ZFPM2: variants seen among roughly 807,000 people sequenced by gnomAD.
ZFPM2 encodes the protein zinc finger protein, FOG family member 2.
A neutral mutation model predicts 98.6 loss-of-function variants in ZFPM2; 20 were observed. The ratio of observed to expected loss-of-function variants is 0.20; its 90% CI spans 0.14 to 0.29. The LOEUF (loss-of-function observed/expected upper bound fraction) is 0.29, where lower values mean the gene tolerates loss of function less well. Among genes scored for constraint, ZFPM2 ranks in the 10% least tolerant of loss-of-function variants. The pLI, the probability that ZFPM2 is intolerant of heterozygous loss-of-function variation, is 1.00. For synonymous variants in ZFPM2, 518 were observed against 502.7 expected (o/e 1.03, Z -0.41); for missense variants, 1,310 against 1,388.6 (o/e 0.94, Z 0.90).
intron 5 of ZFPM2, among the ~76,000 whole-genome samples, chr8:105,718,325 G>C (rs1339354679): frequency 6.6e-6 from 1 of 151,910 alleles, no homozygotes; most frequent in South Asian, 2.1e-4. Context: ...GTTGATGCCA[G>C]TTTCTTCTGT....
At chr8:105,480,906 A>G (rs1335903314) in intron 3 of ZFPM2, among the ~76,000 whole-genome samples, 3 of 152,048 alleles carry the variant, frequency 2.0e-5, no homozygotes, top group Non-Finnish European at 4.4e-5. Context: ...ACCCGCCACC[A>G]TGCTCAGCTA....
intron 6 of ZFPM2, chr8:105,795,780 T>G (rs1172535474): frequency 2.0e-6 from 1 of 488,764 alleles, no homozygotes; most frequent in Admixed American, 2.1e-5. Flanking sequence ...TGACACAAAA[T>G]CAGTCGTCTG....
chr8:105,710,698 TGTGTA>T (rs1563531609), intron 5 of ZFPM2, among the ~76,000 whole-genome samples: 13 of 145,114 alleles, frequency 9.0e-5, no homozygotes, highest in African/African-American at 3.5e-4. Flanking sequence ...TGTGTGTGTG[TGTGTA>T]TGTGTGTGTG....
intron 4 of ZFPM2, among the ~76,000 whole-genome samples, chr8:105,608,980 C>A (rs1434643096): frequency 6.6e-6 from 1 of 151,436 alleles, no homozygotes; most frequent in African/African-American, 2.4e-5. Flanking sequence ...AACTAGAAGA[C>A]TGAACAAGGA....
At chr8:105,637,302 T>G (rs1364855937) in intron 5 of ZFPM2, among the ~76,000 whole-genome samples, 1 of 152,106 alleles carries the variant, frequency 6.6e-6, no homozygotes, top group Non-Finnish European at 1.5e-5. Flanking sequence ...CACTCGGGCT[T>G]TTATCCCTAG....
chr8:105,746,875 A>G (rs1676783552), intron 5 of ZFPM2, among the ~76,000 whole-genome samples: 2 of 152,022 alleles, frequency 1.3e-5, no homozygotes, highest in South Asian at 2.1e-4. Context: ...TTGCCCTGCC[A>G]TTCCTGGAAT....
rs574109601 is a variant in ZFPM2 at position 105,504,814 on chromosome 8, C to T, written c.302-56549C>T. Among the ~76,000 whole-genome samples the T allele has an allele frequency of 3.3e-5, 5 of 152,002 alleles. No individual in the cohort carries two copies. The South Asian group carries it at 8.3e-4, about 25-fold the overall frequency. ...AGGCTTATTAAGTTTACTTGGGTTC[C>T]TAGGGAAGGGAAAAATTAAGAGAGA... On this transcript the variant is annotated intron_variant, in intron 3 of 7. Transcript: ENST00000407775.
At chr8:105,681,597 A>G (rs1455228108) in intron 5 of ZFPM2, among the ~76,000 whole-genome samples, 2 of 152,146 alleles carry the variant, frequency 1.3e-5, no homozygotes, top group Non-Finnish European at 2.9e-5. Context: ...GATTCCTCAT[A>G]TCTGAAAGTA....
At chr8:105,583,819 G>A (rs1358135811) in intron 4 of ZFPM2, among the ~76,000 whole-genome samples, 1 of 152,142 alleles carries the variant, frequency 6.6e-6, no homozygotes, top group Admixed American at 6.5e-5. Flanking sequence ...GTCAGGTTAA[G>A]GGGTCAGTAC....
intron 3 of ZFPM2, among the ~76,000 whole-genome samples, chr8:105,516,069 G>C (rs547383748): frequency 6.6e-6 from 1 of 151,864 alleles, no homozygotes; most frequent in Non-Finnish European, 1.5e-5. Context: ...GGGATTGCAG[G>C]CGCCCACAAC....
intron 5 of ZFPM2, among the ~76,000 whole-genome samples, chr8:105,684,019 G>T (rs1810672878): frequency 6.6e-6 from 1 of 152,080 alleles, no homozygotes; most frequent in Non-Finnish European, 1.5e-5. Flanking sequence ...ACACCCTGAG[G>T]ACATCATGAT....
intron 5 of ZFPM2, among the ~76,000 whole-genome samples, chr8:105,774,474 G>T (rs2131097228): frequency 6.6e-6 from 1 of 152,256 alleles, no homozygotes; most frequent in Admixed American, 6.5e-5. Context: ...CTCTGCTGGA[G>T]AGATAACATG....
intron 3 of ZFPM2, among the ~76,000 whole-genome samples, chr8:105,471,435 T>C (rs995042158): frequency 1.3e-5 from 2 of 152,208 alleles, no homozygotes; most frequent in African/African-American, 4.8e-5. Flanking sequence ...GAAGTTAATC[T>C]TTTTTCATTC....
intron 5 of ZFPM2, among the ~76,000 whole-genome samples, chr8:105,770,279 AAC>A (rs916717244): frequency 1.6e-4 from 25 of 152,184 alleles, no homozygotes; most frequent in Admixed American, 9.2e-4. Flanking sequence ...TTGACTATGT[AAC>A]ACAACACTCT....
chr8:105,347,834 A>G (rs956171628), intron 1 of ZFPM2, among the ~76,000 whole-genome samples: 9 of 152,188 alleles, frequency 5.9e-5, no homozygotes, highest in Non-Finnish European at 1.3e-4. Flanking sequence ...AACATATTAT[A>G]GCCGTTGGAC....
chr8:105,641,297 G>A (rs1416284231), intron 5 of ZFPM2, among the ~76,000 whole-genome samples: 2 of 152,028 alleles, frequency 1.3e-5, no homozygotes, highest in African/African-American at 4.8e-5. Flanking sequence ...ATTAATGATG[G>A]TGGTATAACA....
intron 3 of ZFPM2, among the ~76,000 whole-genome samples, chr8:105,455,287 G>T (rs1812565223): frequency 6.6e-6 from 1 of 152,124 alleles, no homozygotes; most frequent in South Asian, 2.1e-4. Context: ...TTTAAATTAA[G>T]ATCTGAAAGA....
At position 105,561,497 on chromosome 8, in the gene ZFPM2, G is replaced by A. The variant is rs377621810; in HGVS notation, c.420+16G>A. 34 of 1,567,264 alleles carry A rather than the reference G, an allele frequency of 2.2e-5. No homozygotes were observed. Among genetic ancestry groups the A allele is most frequent in the Admixed American group, 2.1e-4 (12 of 57,608 alleles). ...TAATTCTTTGGTATGTGGATATTCC[G>A]AGATGGTTAATATTTTGTCATCGAC... On this transcript the variant is annotated intron_variant, in intron 4 of 7. Transcript: ENST00000407775.
chr8:105,788,447 C>A (rs1377842655), intron 5 of ZFPM2, among the ~76,000 whole-genome samples: 3 of 152,124 alleles, frequency 2.0e-5, no homozygotes, highest in Admixed American at 6.6e-5. Flanking sequence ...AGAAAGCAAA[C>A]AATTGACAAA....
Sources: gnomAD v4.1 joint callset for allele counts (sites outside exome capture counted in the v4.1 genomes callset) on GRCh38, gnomAD v4.1.1 for gene constraint, MANE v1.5 for transcripts, NCBI Gene and HGNC (gene_info 2026-07-23, HGNC 2026-07-21) for gene names.